SNTG1: variants seen among roughly 807,000 people sequenced by gnomAD.
SNTG1 encodes the protein syntrophin gamma 1.
In SNTG1, 39 loss-of-function variants were observed where a neutral mutation model predicts 74.7. That is an observed-to-expected ratio of 0.52 (90% confidence interval 0.40 to 0.68). The LOEUF (loss-of-function observed/expected upper bound fraction) is 0.68. Among genes scored for constraint, SNTG1 ranks in the 30% least tolerant of loss-of-function variants. The pLI, the probability that SNTG1 is intolerant of heterozygous loss-of-function variation, is 0.00. For missense variants in SNTG1, 685 were observed against 609.5 expected (o/e 1.12, Z -1.30); for synonymous variants, 254 against 217.1 (o/e 1.17, Z -1.49).
chr8:50,172,711 AAG>A (rs2082851278), intron 2 of SNTG1, 76 bp downstream of exon 2: 1 of 151,992 alleles, frequency 6.6e-6, no homozygotes, highest in South Asian at 2.1e-4. Context: ...CTACACTTCT[AAG>A]AGACAATTGT....
intron 8 of SNTG1, among the ~76,000 whole-genome samples, chr8:50,475,715 C>A (rs951818624): frequency 6.6e-6 from 1 of 151,920 alleles, no homozygotes; most frequent in African/African-American, 2.4e-5. Flanking sequence ...AAAAAGTTTG[C>A]TGAATAGAAA....
rs796921208 is a variant in SNTG1 at position 50,237,823 on chromosome 8, G to T, written c.-28+65188G>T. Among the ~76,000 whole-genome samples the T allele has an allele frequency of 1.2e-4, 19 of 152,124 alleles. 1 individual carries two copies. The highest frequency in any genetic ancestry group is 4.6e-4 in the African/African-American group (19 of 41,514). ...TAGTGTTTTGTCTTCTTTTATAAGA[G>T]ATTTTAAGGGTTATACATTACTTGT... On this transcript the variant is annotated intron_variant, in intron 2 of 18. Coordinates refer to ENST00000642720, the MANE Select transcript of SNTG1 (RefSeq NM_018967.5).
At chr8:50,653,051 T>TAAG (rs1297961919) in intron 13 of SNTG1, among the ~76,000 whole-genome samples, 3 of 152,028 alleles carry the variant, frequency 2.0e-5, no homozygotes, top group African/African-American at 7.2e-5. Flanking sequence ...TCTGTACTTT[T>TAAG]ATGTCTTAGA....
At chr8:50,572,593 A>G (rs951628195) in intron 12 of SNTG1, among the ~76,000 whole-genome samples, 1 of 152,174 alleles carries the variant, frequency 6.6e-6, no homozygotes, top group Non-Finnish European at 1.5e-5. Flanking sequence ...TAATTTTTAT[A>G]CATAGTCATG....
chr8:50,103,026 T>C (rs1028223337), intron 1 of SNTG1, among the ~76,000 whole-genome samples: 5 of 151,906 alleles, frequency 3.3e-5, no homozygotes, highest in Non-Finnish European at 7.4e-5. Flanking sequence ...TGGCTTAGGA[T>C]TGACTTGGCG....
intron 12 of SNTG1, among the ~76,000 whole-genome samples, chr8:50,554,409 G>C (rs147983465): frequency 6.6e-6 from 1 of 151,698 alleles, no homozygotes; most frequent in Non-Finnish European, 1.5e-5. Context: ...TCTGTGTCAC[G>C]CTGCCTTTTG....
At chr8:50,378,525 G>A (rs1263326521) in intron 2 of SNTG1, among the ~76,000 whole-genome samples, 1 of 152,174 alleles carries the variant, frequency 6.6e-6, no homozygotes, top group African/African-American at 2.4e-5. Context: ...AATGAGGTGT[G>A]CAGACAAGTG....
At chr8:50,508,783 TA>T (rs1431039932) in intron 9 of SNTG1, among the ~76,000 whole-genome samples, 10 of 152,304 alleles carry the variant, frequency 6.6e-5, no homozygotes, top group African/African-American at 2.4e-4. Context: ...TTTTTTCTTG[TA>T]AATTTGTTTG....
intron 12 of SNTG1, among the ~76,000 whole-genome samples, chr8:50,572,084 A>C (rs1324118362): frequency 6.6e-6 from 1 of 152,142 alleles, no homozygotes; most frequent in Non-Finnish European, 1.5e-5. Context: ...AGTAATACTG[A>C]TAAACAAAAA....
intron 2 of SNTG1, among the ~76,000 whole-genome samples, chr8:50,322,857 C>T (rs2090585466): frequency 6.6e-6 from 1 of 151,766 alleles, no homozygotes; most frequent in African/African-American, 2.4e-5. Flanking sequence ...TGACTCATGC[C>T]TGTAATCCCA....
intron 15 of SNTG1, among the ~76,000 whole-genome samples, chr8:50,698,141 A>T (rs548835126): frequency 6.6e-6 from 1 of 152,052 alleles, no homozygotes; most frequent in South Asian, 2.1e-4. Context: ...TTATTTCTCT[A>T]TTCATGGTTT....
chr8:50,014,642 C>G (rs1816138993), intron 1 of SNTG1, among the ~76,000 whole-genome samples: 1 of 152,122 alleles, frequency 6.6e-6, no homozygotes, highest in Non-Finnish European at 1.5e-5. Flanking sequence ...AAGACATGGA[C>G]TCACATACAG....
At chr8:50,408,512 G>A (rs2092908263) in intron 4 of SNTG1, among the ~76,000 whole-genome samples, 1 of 152,130 alleles carries the variant, frequency 6.6e-6, no homozygotes, top group Non-Finnish European at 1.5e-5. Flanking sequence ...GGGAGTTAGT[G>A]GTAGGCCTGA....
chr8:50,087,133 A>AT (rs1822965078), intron 1 of SNTG1, among the ~76,000 whole-genome samples: 1 of 152,118 alleles, frequency 6.6e-6, no homozygotes, highest in Non-Finnish European at 1.5e-5. Context: ...TATCATGTCT[A>AT]TTTTTTAACA....
chr8:50,275,333 A>G (rs940160501), intron 2 of SNTG1, among the ~76,000 whole-genome samples: 3 of 152,074 alleles, frequency 2.0e-5, no homozygotes, highest in African/African-American at 7.2e-5. Context: ...AATTGTTTTT[A>G]TTTGTTATAT....
In SNTG1 at chr8:50,658,576, T is replaced by A; in HGVS notation, c.967-16T>A. ...TTTCTAAAACAAATTAAACATTATT[T>A]TCTTATCTTTTAAAGGTGACCACCT... is the stretch of plus-strand genomic sequence containing the variant. On this transcript the variant is annotated splice_polypyrimidine_tract_variant and intron_variant, in intron 14 of 18. Transcript: ENST00000642720. 1 of 1,555,562 alleles carries A rather than the reference T, an allele frequency of 6.4e-7. No homozygotes were observed. Among genetic ancestry groups the A allele is most frequent in the Non-Finnish European group, 8.8e-7 (1 of 1,133,798 alleles).
rs185741252 is a variant in SNTG1, at chr8:49,986,554, G to C, written c.-103+74323G>C. ...CAGATTAAATAATAAACATCTGAGT[G>C]GCCATGCCTGTAATCCCAGCACTTT... On this transcript the variant is annotated intron_variant, in intron 1 of 18. Transcript: ENST00000642720. 4.4e-3 allele frequency among the ~76,000 whole-genome samples: 669 copies of C among 152,064 alleles called. 2 individuals carry two copies. The highest frequency in any genetic ancestry group is 0.026 in the South Asian group (124 of 4,814).
At chr8:50,278,521 A>T (rs915706776) in intron 2 of SNTG1, among the ~76,000 whole-genome samples, 1 of 152,200 alleles carries the variant, frequency 6.6e-6, no homozygotes, top group Non-Finnish European at 1.5e-5. Context: ...TATGACATAC[A>T]AAACTTTGCA....
At chr8:50,277,438 T>A (rs2088182373) in intron 2 of SNTG1, among the ~76,000 whole-genome samples, 1 of 152,230 alleles carries the variant, frequency 6.6e-6, no homozygotes, top group Non-Finnish European at 1.5e-5. Flanking sequence ...AAATTATATG[T>A]ATTTTTGAAA....
Sources: allele counts gnomAD v4.1 joint callset (sites outside exome capture counted in the v4.1 genomes callset), GRCh38; gene constraint gnomAD v4.1.1; transcripts MANE v1.5; gene names NCBI Gene and HGNC (gene_info 2026-07-23, HGNC 2026-07-21).